Variants in FAM221A observed in about 807,000 individuals in gnomAD.
FAM221A encodes protein FAM221A.
Under a neutral mutation model 37.6 loss-of-function variants are expected in FAM221A, and 43 were observed. The ratio of observed to expected loss-of-function variants is 1.15; its 90% CI spans 0.90 to 1.48. The LOEUF is 1.48. FAM221A is among the 40% of genes most tolerant of loss of function. The probability of loss-of-function intolerance (pLI) is 0.00; values close to 1 mark genes in which losing one functional copy is unlikely to be tolerated. For synonymous variants in FAM221A, 135 were observed against 132.9 expected (o/e 1.02, Z -0.11); for missense variants, 361 against 361.5 (o/e 1.00, Z 0.01).
At chr7:23,685,962 C>T (rs1784342242) in intron 2 of FAM221A, among the ~76,000 whole-genome samples, 1 of 152,204 alleles carries the variant, frequency 6.6e-6, no homozygotes, top group South Asian at 2.1e-4. Context: ...TTCTGGGGCT[C>T]TTTCACAGAG....
chr7:23,687,015 C>G (rs1784415537), intron 2 of FAM221A: 1 of 152,234 alleles, frequency 6.6e-6, no homozygotes, highest in African/African-American at 2.4e-5. Flanking sequence ...GAACTCCCAG[C>G]CTCAGGTGAT....
chr7:23,680,213 C>T lies in FAM221A; in HGVS notation c.-6C>T, dbSNP rs1359931561. On this transcript the variant is annotated 5_prime_UTR_variant, in exon 1 of 7. Transcript: ENST00000344962. ...CGCAGGGAAGCCTTTGGCTTCCCCA[C>T]CGGCAATGGAGCGGTTGACGTTGCC... 3 of 1,549,098 alleles carry T rather than the reference C, an allele frequency of 1.9e-6. No homozygotes were observed. The highest frequency in any genetic ancestry group is 2.0e-5 in the Admixed American group (1 of 50,952).
Position 23,700,829 on chromosome 7 carries a change from G to C in FAM221A, c.789G>C (p.Glu263Asp), listed in dbSNP as rs749697607. ...SQVSSLRRPE[E>D]DDMAFFERRY... ...TTTCTTCATTAAGGAGACCTGAAGA[G>C]GATGATATGGCTTTCTTTGAAAGAC... Residue 263 changes from glutamate (E) to aspartate (D), a missense_variant, in exon 6 of 7, where the codon GAG becomes GAC. Physicochemically the swap from Glu to Asp is conservative, Grantham distance 45. Coordinates refer to ENST00000344962, the MANE Select transcript of FAM221A (RefSeq NM_199136.5). 1.4e-5 allele frequency: 22 copies of C among 1,609,180 alleles called. No individual in the cohort carries two copies. The highest frequency in any genetic ancestry group is 1.8e-5 in the Non-Finnish European group (21 of 1,178,722).
intron 4 of FAM221A, among the ~76,000 whole-genome samples, chr7:23,695,908 A>G (rs1785030242): frequency 6.6e-6 from 1 of 152,206 alleles, no homozygotes; most frequent in Non-Finnish European, 1.5e-5. Context: ...TAGTACTTCC[A>G]GAACAATGCT....
intron 5 of FAM221A, among the ~76,000 whole-genome samples, chr7:23,699,321 A>G (rs923263053): frequency 3.3e-5 from 5 of 151,272 alleles, no homozygotes; most frequent in African/African-American, 1.2e-4. Context: ...GGGTCTTGCT[A>G]TGTTGACTAG....
chr7:23,692,699 G>T (rs760111596), intron 4 of FAM221A: 370 of 984,166 alleles, frequency 3.8e-4, no homozygotes, highest in Middle Eastern at 5.2e-4. Context: ...AGTGGAAAAA[G>T]AAAGAAATTA....
intron 2 of FAM221A, among the ~76,000 whole-genome samples, chr7:23,685,754 G>A (rs1784331826): frequency 1.3e-5 from 2 of 152,184 alleles, no homozygotes; most frequent in Non-Finnish European, 2.9e-5. Flanking sequence ...TCAGTTTTTG[G>A]CTTGAGTTGT....
Position 23,695,452 on chromosome 7 carries a change from A to G in FAM221A, c.638-2740A>G, listed in dbSNP as rs1192871189. Among the ~76,000 whole-genome samples, 3 of 152,138 alleles carry G rather than the reference A, an allele frequency of 2.0e-5. No individual in the cohort carries two copies. The East Asian group carries it at 5.8e-4, about 30-fold the overall frequency. On this transcript the variant is annotated intron_variant, in intron 4 of 6. Transcript: ENST00000344962. ...AGGCTGGAGTGCCTTGGCTCACTGC[A>G]ATCTCTGCCTCCTGGGTTCAAGTGA... is the stretch of plus-strand genomic sequence containing the variant.
intron 4 of FAM221A, among the ~76,000 whole-genome samples, chr7:23,695,312 A>G (rs1052456092): frequency 6.6e-6 from 1 of 152,084 alleles, no homozygotes; most frequent in African/African-American, 2.4e-5. Context: ...TTTATTTGTC[A>G]TCTGTGCAAC....
rs1410378515 is a variant in FAM221A at position 23,689,450 on chromosome 7, T to C, written c.421T>C (p.Cys141Arg). 6 of 1,558,018 alleles carry C rather than the reference T, an allele frequency of 3.9e-6. No individual in the cohort carries two copies. The South Asian group carries it at 4.7e-5, about 12-fold the overall frequency. ...DQHSAAPGFT[C>R]NTCSKCSGFH... The stretch of plus-strand genomic sequence containing the variant: ...GCACAGTGCTGCGCCTGGCTTTACA[T>C]GCAATACATGTGAGTTATATTATTA... The change falls in exon 3 of 7, where the codon TGC becomes CGC. Residue 141 changes from cysteine (C) to arginine (R), a missense_variant. Coordinates refer to ENST00000344962, the MANE Select transcript of FAM221A (RefSeq NM_199136.5).
intron 4 of FAM221A, chr7:23,693,491 T>A (rs1784867081): frequency 6.6e-6 from 1 of 152,124 alleles, no homozygotes. Context: ...GTTTTTATCT[T>A]TTGTCATTGA....
At chr7:23,690,585 T>C (rs921429983) in intron 3 of FAM221A, among the ~76,000 whole-genome samples, 1 of 152,200 alleles carries the variant, frequency 6.6e-6, no homozygotes, top group Non-Finnish European at 1.5e-5. Flanking sequence ...ACAATGTGGC[T>C]TGATTTTTTT....
At position 23,691,491 on chromosome 7, in the gene FAM221A, C is replaced by T; in HGVS notation, c.532C>T (p.Gln178Ter). Residue 178 changes from glutamine (Q) to a stop codon, truncating the protein, a stop_gained, in exon 4 of 7, where the codon CAG becomes TAG. Transcript: ENST00000344962. LOFTEE classifies it high-confidence loss of function. Reference sequence around the variant, plus strand: ...GGAAACTAAGCAAGAAAGATTGGCTCAGGAAAAACCAGTGGGACAGGACAT... The same window carrying T: ...GGAAACTAAGCAAGAAAGATTGGCTTAGGAAAAACCAGTGGGACAGGACAT... ...VVETKQERLA[Q>*]EKPVGQDIPY... 4 of 1,614,184 alleles carry T rather than the reference C, an allele frequency of 2.5e-6. No individual in the cohort carries two copies. Among genetic ancestry groups the T allele is most frequent in the Non-Finnish European group, 3.4e-6 (4 of 1,180,034 alleles).
At position 23,702,255 on chromosome 7, in the gene FAM221A, T is replaced by TA; in HGVS notation, c.*92dup. On this transcript the variant is annotated 3_prime_UTR_variant, in exon 7 of 7. Coordinates refer to ENST00000344962, the MANE Select transcript of FAM221A (RefSeq NM_199136.5). ...ACAGTTTATTTTTCCTGAAATTATT[T>TA]ACTTTTTTTTTTTACTGTATAAATG... 1.2e-6 allele frequency: 1 copy of TA among 824,472 alleles called. No individual in the cohort carries two copies. The highest frequency in any genetic ancestry group is 2.7e-5 in the South Asian group (1 of 37,268). The allele number at this position is 824,472 out of a possible 1,614,324, so 51.1% of individuals were successfully genotyped here.
intron 4 of FAM221A, chr7:23,693,256 T>C (rs1391591035): frequency 6.6e-6 from 1 of 152,220 alleles, no homozygotes; most frequent in Non-Finnish European, 1.5e-5. Flanking sequence ...GCTCTGCTTG[T>C]TTTTACATCC....
chr7:23,687,044 C>T (rs182668213), intron 2 of FAM221A: 1 of 152,378 alleles, frequency 6.6e-6, no homozygotes, highest in Admixed American at 6.5e-5. Context: ...CTTGGCCTCC[C>T]ACAGTGCTGG....
At chr7:23,699,535 CTTTTTTTTTTTT>C (rs57930152) in intron 5 of FAM221A, among the ~76,000 whole-genome samples, 2 of 64,162 alleles carry the variant, frequency 3.1e-5, no homozygotes, top group African/African-American at 6.5e-5. Flanking sequence ...TCACCTTTTC[CTTTTTTTTTTTT>C]TTTTTTTTTT....
In FAM221A at chr7:23,690,170, C is replaced by CATAT. The variant is rs1175330292; in HGVS notation, c.430+738_430+741dup. Among the ~76,000 whole-genome samples the CATAT allele has an allele frequency of 1.6e-3, 111 of 68,576 alleles. 2 individuals are homozygous for CATAT. The highest frequency in any genetic ancestry group is 7.2e-3 in the East Asian group (11 of 1,520). The allele number at this position is 68,576 out of a possible 152,430, so 45.0% of individuals were successfully genotyped here. On this transcript the variant is annotated intron_variant, in intron 3 of 6. Transcript: ENST00000344962. The stretch of plus-strand genomic sequence containing the variant: ...ACTGATTTATTTATATGCCTTGGTT[C>CATAT]ATATATATATATATATATATATATA...
chr7:23,699,912 A>G (rs1785302149), intron 5 of FAM221A, among the ~76,000 whole-genome samples: 2 of 152,276 alleles, frequency 1.3e-5, no homozygotes, highest in Non-Finnish European at 2.9e-5. Context: ...TTATAATGCA[A>G]CTCAATGTAG....
Sources: gnomAD v4.1 joint callset for allele counts (sites outside exome capture counted in the v4.1 genomes callset) on GRCh38, gnomAD v4.1.1 for gene constraint, MANE v1.5 for transcripts, NCBI Gene and HGNC (gene_info 2026-07-23, HGNC 2026-07-21) for gene names.